The following XKR9 variants were observed in gnomAD, a reference collection of about 807,000 sequenced individuals.
XKR9 encodes XK-related protein 9.
A neutral mutation model predicts 32.0 loss-of-function variants in XKR9; 32 were observed. The ratio of observed to expected loss-of-function variants is 1.00; its 90% CI spans 0.76 to 1.34. The LOEUF is 1.34. Ranked by LOEUF, XKR9 falls within the 40% of genes most tolerant of loss-of-function variation. XKR9 has a pLI of 0.00. For missense variants in XKR9, 546 were observed against 429.7 expected, an observed-to-expected ratio of 1.27 and a Z score of -2.39; for synonymous variants, 168 against 143.4, an observed-to-expected ratio of 1.17 and a Z score of -1.22.
At chr8:71,051,193 T>A in the XKR9 span, among the ~76,000 whole-genome samples, 2 of 152,214 alleles carry the variant, frequency 1.3e-5, no homozygotes, top group Non-Finnish European at 2.9e-5. Context: ...TACTGTGTCA[T>A]GTTAAGGTTA....
chr8:70,738,656 T>C (rs1806907593), downstream of XKR9, among the ~76,000 whole-genome samples: 1 of 152,152 alleles, frequency 6.6e-6, no homozygotes, highest in African/African-American at 2.4e-5. Context: ...TCCCAGAGAT[T>C]CTGGTATGTT....
the XKR9 span, among the ~76,000 whole-genome samples, chr8:70,974,436 C>T: frequency 6.6e-6 from 1 of 152,058 alleles, no homozygotes; most frequent in African/African-American, 2.4e-5. Context: ...TGTTCCCTGC[C>T]CTGTGTCCAA....
At chr8:70,733,674 A>G (rs1463324578) in intron 4 of XKR9, 122 bp from the exon 5 acceptor site, 3 of 933,368 alleles carry the variant, frequency 3.2e-6, no homozygotes, top group Non-Finnish European at 4.4e-6. Context: ...ATTAGATGAG[A>G]AGAGTAAAGT....
chr8:71,024,215 G>T, the XKR9 span, among the ~76,000 whole-genome samples: 1 of 152,204 alleles, frequency 6.6e-6, no homozygotes, highest in Admixed American at 6.5e-5. Context: ...AGCTGCTGGT[G>T]GGAGCAGGGG....
chr8:71,060,921 C>T, the XKR9 span, among the ~76,000 whole-genome samples: 1 of 152,118 alleles, frequency 6.6e-6, no homozygotes, highest in Non-Finnish European at 1.5e-5. Flanking sequence ...TAAATCACCA[C>T]GTAGTTCTAG....
At chr8:70,986,643 C>T in the XKR9 span, among the ~76,000 whole-genome samples, 49 of 152,288 alleles carry the variant, frequency 3.2e-4, 1 homozygote, top group East Asian at 8.7e-3. Context: ...TGAAAGCTAA[C>T]TAATAAGCAG....
chr8:70,851,623 A>C, the XKR9 span, among the ~76,000 whole-genome samples: 1 of 152,180 alleles, frequency 6.6e-6, no homozygotes, highest in Non-Finnish European at 1.5e-5. Context: ...CTCAGAAAAA[A>C]CACAACACAT....
the XKR9 span, among the ~76,000 whole-genome samples, chr8:70,990,757 G>GAGAGAGAGAGAGAA: frequency 6.6e-6 from 1 of 151,730 alleles, no homozygotes; most frequent in Non-Finnish European, 1.5e-5. Flanking sequence ...GAGAGAGAGA[G>GAGAGAGAGAGAGAA]AGAGAGAGAG....
At chr8:71,015,926 A>G in the XKR9 span, among the ~76,000 whole-genome samples, 1 of 152,322 alleles carries the variant, frequency 6.6e-6, no homozygotes, top group Admixed American at 6.5e-5. Flanking sequence ...CTATATAGAA[A>G]AGGGGTGCTG....
the XKR9 span, among the ~76,000 whole-genome samples, chr8:70,842,966 A>G: frequency 6.6e-6 from 1 of 152,240 alleles, no homozygotes; most frequent in African/African-American, 2.4e-5. Context: ...AAAAAAGAAG[A>G]ATGGAGACTT....
chr8:70,916,606 C>G, the XKR9 span, among the ~76,000 whole-genome samples: 1 of 152,120 alleles, frequency 6.6e-6, no homozygotes, highest in African/African-American at 2.4e-5. Flanking sequence ...TGTTTTTCTT[C>G]TTCAAGATTA....
At chr8:70,679,119 G>A (rs1396785579) in intron 2 of XKR9, among the ~76,000 whole-genome samples, 1 of 152,038 alleles carries the variant, frequency 6.6e-6, no homozygotes, top group Non-Finnish European at 1.5e-5. Context: ...CTTTTCTCTG[G>A]TGTTGCTTCC....
At chr8:70,904,356 T>G in the XKR9 span, among the ~76,000 whole-genome samples, 1 of 152,224 alleles carries the variant, frequency 6.6e-6, no homozygotes, top group Non-Finnish European at 1.5e-5. Flanking sequence ...AATTGATCCC[T>G]TTACCATTAT....
Position 70,784,907 on chromosome 8 carries a change from C to T in XKR9, n.353-4432C>T, listed in dbSNP as rs76483203. 5.5e-3 allele frequency among the ~76,000 whole-genome samples: 823 copies of T among 150,368 alleles called. 11 individuals carry two copies. Among genetic ancestry groups the T allele is most frequent in the African/African-American group, 0.019 (789 of 40,976 alleles). ...TTGGTGAGATTTTTTTTTTTTTAATCATGAAAGGATGTCGAATTTAATCAA... is the reference window on the plus strand; with the variant it reads ...TTGGTGAGATTTTTTTTTTTTTAATTATGAAAGGATGTCGAATTTAATCAA... On this transcript the variant is annotated intron_variant and non_coding_transcript_variant, in intron 2 of 3. Coordinates refer to the XKR9 transcript ENST00000520273.
chr8:71,007,413 C>T, the XKR9 span, among the ~76,000 whole-genome samples: 2 of 151,784 alleles, frequency 1.3e-5, no homozygotes, highest in East Asian at 3.9e-4. Context: ...CATTCATAAA[C>T]CTAGAATGAA....
the XKR9 span, among the ~76,000 whole-genome samples, chr8:70,830,976 A>G: frequency 2.0e-5 from 3 of 152,188 alleles, no homozygotes; most frequent in Non-Finnish European, 4.4e-5. Context: ...AACTATATGT[A>G]TACCAGATAA....
the XKR9 span, among the ~76,000 whole-genome samples, chr8:70,901,540 T>A: frequency 3.9e-5 from 6 of 152,180 alleles, no homozygotes; most frequent in South Asian, 2.1e-4. Flanking sequence ...GTTGAAGTTC[T>A]TTGTAGATTC....
the XKR9 span, among the ~76,000 whole-genome samples, chr8:70,945,912 G>A: frequency 1.3e-5 from 2 of 152,144 alleles, no homozygotes; most frequent in African/African-American, 4.8e-5. Flanking sequence ...CGAGGTGGAC[G>A]GATCACGATG....
At chr8:71,007,638 G>T in the XKR9 span, among the ~76,000 whole-genome samples, 4 of 151,534 alleles carry the variant, frequency 2.6e-5, no homozygotes, top group South Asian at 2.1e-4. Context: ...GAAATAACAA[G>T]AAAAAAATTA....
Sources: gnomAD v4.1 joint callset for allele counts (sites outside exome capture counted in the v4.1 genomes callset) on GRCh38, gnomAD v4.1.1 for gene constraint, MANE v1.5 for transcripts, NCBI Gene and HGNC (gene_info 2026-07-23, HGNC 2026-07-21) for gene names.